ARHGAP26: variants seen among roughly 807,000 people sequenced by gnomAD.
The protein encoded by ARHGAP26 is rho GTPase-activating protein 26.
ARHGAP26 carries 38 observed loss-of-function variants against 104.8 expected under a neutral mutation model. The ratio of observed to expected loss-of-function variants is 0.36; its 90% CI spans 0.28 to 0.48. ARHGAP26 has a LOEUF of 0.48. Among genes scored for constraint, ARHGAP26 ranks in the 20% least tolerant of loss-of-function variants. ARHGAP26 has a pLI of 0.99. For synonymous variants in ARHGAP26, 341 were observed against 340.0 expected (o/e 1.00, Z -0.03); for missense variants, 704 against 947.9 (o/e 0.74, Z 3.38).
At chr5:143,222,015 C>T (rs1562640944) in intron 22 of ARHGAP26, among the ~76,000 whole-genome samples, 1 of 152,122 alleles carries the variant, frequency 6.6e-6, no homozygotes, top group Non-Finnish European at 1.5e-5. Flanking sequence ...GAGTAGGAAT[C>T]TGTCACTTCT....
chr5:143,008,075 A>G (rs930058011), intron 11 of ARHGAP26, among the ~76,000 whole-genome samples: 22 of 152,332 alleles, frequency 1.4e-4, no homozygotes, highest in African/African-American at 5.3e-4. Flanking sequence ...AGGAAGGAGG[A>G]AAATGACAGT....
chr5:142,851,232 G>A (rs899578950), intron 1 of ARHGAP26, among the ~76,000 whole-genome samples: 15 of 152,078 alleles, frequency 9.9e-5, no homozygotes, highest in African/African-American at 2.9e-4. Context: ...GAGTAGTTGG[G>A]ATTACAGATG....
At chr5:142,887,279 C>A (rs763170061) in intron 5 of ARHGAP26, among the ~76,000 whole-genome samples, 1 of 152,038 alleles carries the variant, frequency 6.6e-6, no homozygotes, top group Non-Finnish European at 1.5e-5. Context: ...AAAGAGGATA[C>A]CTTGCCTCAA....
intron 1 of ARHGAP26, chr5:142,771,323 C>T (rs1397698297): frequency 1.6e-6 from 2 of 1,232,648 alleles, no homozygotes; most frequent in East Asian, 6.3e-5. Context: ...AGTGCCCAAC[C>T]GTGAGAATGG....
intron 12 of ARHGAP26, among the ~76,000 whole-genome samples, chr5:143,022,039 G>A (rs1780406084): frequency 6.6e-6 from 1 of 151,882 alleles, no homozygotes; most frequent in Non-Finnish European, 1.5e-5. Flanking sequence ...TGTATTGTGG[G>A]GGAACATAAG....
intron 1 of ARHGAP26, among the ~76,000 whole-genome samples, chr5:142,780,109 A>G (rs979421242): frequency 6.6e-6 from 1 of 152,190 alleles, no homozygotes; most frequent in Non-Finnish European, 1.5e-5. Context: ...ATACACATAC[A>G]CATTGTGCCA....
intron 12 of ARHGAP26, among the ~76,000 whole-genome samples, chr5:143,017,881 G>A (rs948295437): frequency 6.6e-6 from 1 of 152,150 alleles, no homozygotes; most frequent in Non-Finnish European, 1.5e-5. Flanking sequence ...CCCACCCAAA[G>A]CATTGCTGGA....
chr5:142,911,700 C>A (rs1761860219), intron 9 of ARHGAP26, among the ~76,000 whole-genome samples: 1 of 152,174 alleles, frequency 6.6e-6, no homozygotes, highest in Non-Finnish European at 1.5e-5. Flanking sequence ...CTTTATATAT[C>A]CCTATTCCCT....
chr5:142,874,874 T>A, intron 2 of ARHGAP26: 1 of 511,294 alleles, frequency 2.0e-6, no homozygotes, highest in Non-Finnish European at 3.5e-6. Flanking sequence ...AACAGGCAGA[T>A]CTTTTCCTTG....
At chr5:142,885,522 T>G in intron 5 of ARHGAP26, 123 bp downstream of exon 5, 1 of 755,488 alleles carries the variant, frequency 1.3e-6, no homozygotes, top group Admixed American at 2.8e-5. Flanking sequence ...GCCAGGAGAT[T>G]GCTCCTGATC....
chr5:143,049,923 G>A (rs953367464), intron 14 of ARHGAP26, among the ~76,000 whole-genome samples: 8 of 152,110 alleles, frequency 5.3e-5, no homozygotes, highest in Admixed American at 1.3e-4. Flanking sequence ...TGATTCACTT[G>A]CCTTGATATA....
At chr5:142,961,240 C>T (rs963996702) in intron 11 of ARHGAP26, among the ~76,000 whole-genome samples, 1 of 152,148 alleles carries the variant, frequency 6.6e-6, no homozygotes, top group African/African-American at 2.4e-5. Flanking sequence ...CCTGTAATCT[C>T]AGCACTTTGG....
intron 3 of ARHGAP26, among the ~76,000 whole-genome samples, chr5:142,876,677 G>C (rs1598039141): frequency 1.3e-5 from 2 of 150,102 alleles, no homozygotes; most frequent in South Asian, 4.2e-4. Flanking sequence ...CTACTTGGGA[G>C]GAGGGAGGAG....
intron 12 of ARHGAP26, among the ~76,000 whole-genome samples, chr5:143,027,453 G>A (rs999825401): frequency 6.6e-6 from 1 of 151,260 alleles, no homozygotes; most frequent in Non-Finnish European, 1.5e-5. Context: ...CAAAGTGCTG[G>A]GATTCTGGGT....
chr5:143,197,330 C>T (rs1394303393), intron 20 of ARHGAP26, among the ~76,000 whole-genome samples: 7 of 152,158 alleles, frequency 4.6e-5, no homozygotes, highest in Admixed American at 4.6e-4. Context: ...TACACCCCTC[C>T]TGCAGCAAAA....
chr5:143,000,061 G>A (rs7721905), intron 11 of ARHGAP26, among the ~76,000 whole-genome samples: 113,639 of 152,142 alleles, frequency 0.75, 43,377 homozygotes, highest in Middle Eastern at 0.84. Flanking sequence ...ATAAGATACT[G>A]CTACGCATAC....
intron 1 of ARHGAP26, among the ~76,000 whole-genome samples, chr5:142,773,433 A>G (rs1755656060): frequency 6.6e-6 from 1 of 152,224 alleles, no homozygotes; most frequent in Non-Finnish European, 1.5e-5. Flanking sequence ...TAGGCAATAA[A>G]ACTGTCCTCT....
At chr5:142,887,643 T>C (rs1212717945) in intron 5 of ARHGAP26, among the ~76,000 whole-genome samples, 1 of 152,208 alleles carries the variant, frequency 6.6e-6, no homozygotes, top group African/African-American at 2.4e-5. Context: ...AGTGTAAGGA[T>C]TGGGTTCCAG....
At chr5:142,847,593 G>T (rs1228109093) in intron 1 of ARHGAP26, among the ~76,000 whole-genome samples, 4 of 152,190 alleles carry the variant, frequency 2.6e-5, no homozygotes, top group African/African-American at 9.7e-5. Flanking sequence ...CGGACCTCAG[G>T]TGATCCGCCC....
Sources: gnomAD v4.1 joint callset for allele counts (sites outside exome capture counted in the v4.1 genomes callset) on GRCh38, gnomAD v4.1.1 for gene constraint, MANE v1.5 for transcripts, NCBI Gene and HGNC (gene_info 2026-07-23, HGNC 2026-07-21) for gene names.